The following MCTP1 variants were observed in gnomAD, a reference collection of about 807,000 sequenced individuals.
The protein encoded by MCTP1 is multiple C2 and transmembrane domain containing 1.
MCTP1 carries 69 observed loss-of-function variants against 120.6 expected under a neutral mutation model. That is an observed-to-expected ratio of 0.57 (90% CI 0.47 to 0.70). The LOEUF (loss-of-function observed/expected upper bound fraction) is 0.70, where lower values mean the gene tolerates loss of function less well. Ranked by LOEUF, MCTP1 falls within the 30% of genes least tolerant of loss-of-function variation. The probability of loss-of-function intolerance (pLI) is 0.00; values close to 1 mark genes in which losing one functional copy is unlikely to be tolerated. For synonymous variants in MCTP1, 529 were observed against 493.1 expected (o/e 1.07, Z -0.96); for missense variants, 1,203 against 1,248.8 (o/e 0.96, Z 0.55).
chr5:94,800,999 G>C (rs1480937797), intron 17 of MCTP1, among the ~76,000 whole-genome samples: 2 of 151,886 alleles, frequency 1.3e-5, no homozygotes, highest in Non-Finnish European at 1.5e-5. Context: ...ATAAATAATT[G>C]ATGGTTATGA....
At chr5:94,956,927 T>C (rs923391004) in intron 2 of MCTP1, among the ~76,000 whole-genome samples, 9 of 152,128 alleles carry the variant, frequency 5.9e-5, no homozygotes, top group Non-Finnish European at 1.3e-4. Flanking sequence ...ACCACAAAGA[T>C]ACTCCTCAAG....
chr5:95,092,621 A>G (rs1281467615), intron 1 of MCTP1, among the ~76,000 whole-genome samples: 2 of 152,216 alleles, frequency 1.3e-5, no homozygotes, highest in African/African-American at 4.8e-5. Context: ...ATGTATCAAA[A>G]TATCACACTG....
Position 94,891,690 on chromosome 5 carries a change from A to G in MCTP1, c.1840-2718T>C, listed in dbSNP as rs368839651. On this transcript the variant is annotated intron_variant, in intron 11 of 22. Coordinates refer to ENST00000515393, the MANE Select transcript of MCTP1 (RefSeq NM_024717.7). ...TCCCCAAGTCAGCTGACACTCCATA[A>G]TTTATTGCAAATTTCAACGGTTTAG... Among the ~76,000 whole-genome samples, 44 of 152,116 alleles carry G rather than the reference A, an allele frequency of 2.9e-4. 1 individual carries two copies. In the East Asian group the frequency reaches 4.2e-3, roughly 15 times the overall value.
Position 94,803,019 on chromosome 5 carries a change from C to T in MCTP1, c.2437-3887G>A, listed in dbSNP as rs568360804. Reference sequence around the variant, plus strand: ...CTCTCTCTGTCACATAATCTCTTCACGTCTCCCCCATCTCTCCTTTTAATA... The same window carrying T: ...CTCTCTCTGTCACATAATCTCTTCATGTCTCCCCCATCTCTCCTTTTAATA... On this transcript the variant is annotated intron_variant, in intron 17 of 22. Coordinates refer to ENST00000515393, the MANE Select transcript of MCTP1 (RefSeq NM_024717.7). Among the ~76,000 whole-genome samples the T allele has an allele frequency of 1.4e-3, 208 of 152,274 alleles. 2 individuals are homozygous for T. The highest frequency in any genetic ancestry group is 1.8e-3 in the Non-Finnish European group (122 of 68,016).
chr5:94,708,871 T>C (rs925949038), intron 21 of MCTP1: 20 of 287,466 alleles, frequency 7.0e-5, no homozygotes, highest in Non-Finnish European at 1.1e-4. Flanking sequence ...AATATCTTGG[T>C]TTTTTTTCCC....
chr5:94,737,421 C>T lies in MCTP1; in HGVS notation c.2611-22535G>A, dbSNP rs376825338. ...AGCATAATTTCAAATTCTAAGCACC[C>T]AAATAGTTTGATGTCATTTATTACC... is the stretch of plus-strand genomic sequence containing the variant. On this transcript the variant is annotated intron_variant, in intron 19 of 22. Coordinates refer to ENST00000515393, the MANE Select transcript of MCTP1 (RefSeq NM_024717.7). Among the ~76,000 whole-genome samples the T allele has an allele frequency of 5.9e-5, 9 of 152,226 alleles. No homozygotes were observed. The South Asian group carries it at 1.9e-3, about 32-fold the overall frequency.
chr5:94,871,118 G>C, intron 14 of MCTP1, 145 bp from the exon 15 acceptor site: 1 of 726,682 alleles, frequency 1.4e-6, no homozygotes, highest in Non-Finnish European at 2.4e-6. Context: ...TCATTACCAG[G>C]ATCAAGTCTG....
At position 95,265,047 on chromosome 5, in the gene MCTP1, TC is replaced by T. The variant is rs1758773233; in HGVS notation, c.720+18808del. Among the ~76,000 whole-genome samples the T allele has an allele frequency of 3.9e-5, 6 of 152,240 alleles. 1 individual carries two copies. Among genetic ancestry groups the T allele is most frequent in the Admixed American group, 3.3e-4 (5 of 15,292 alleles). ...CAATGAAAGGCTCATGAACAGCCCG[TC>T]CCTGGTGCCTGGGCTCTACTCCATC... On this transcript the variant is annotated intron_variant, in intron 1 of 22. Transcript: ENST00000515393.
At chr5:95,187,468 C>T (rs1749334864) in intron 1 of MCTP1, among the ~76,000 whole-genome samples, 1 of 152,094 alleles carries the variant, frequency 6.6e-6, no homozygotes, top group Non-Finnish European at 1.5e-5. Flanking sequence ...GGTGTGACCT[C>T]AGCTCATCTT....
intron 10 of MCTP1, among the ~76,000 whole-genome samples, chr5:94,896,157 A>G (rs1803929386): frequency 6.6e-6 from 1 of 152,184 alleles, no homozygotes; most frequent in Admixed American, 6.5e-5. Flanking sequence ...CTTATCAATA[A>G]TACCTGGAAC....
chr5:94,710,856 A>C lies in MCTP1; in HGVS notation c.2792T>G (p.Leu931Arg), dbSNP rs903351924. 6.2e-7 allele frequency: 1 copy of C among 1,612,944 alleles called. No individual in the cohort carries two copies. Among genetic ancestry groups the C allele is most frequent in the African/African-American group, 1.3e-5 (1 of 74,850 alleles). ...AATGTATCTCAGCGGAATGCAGTAC[A>C]GGATGGCTGTGAACACACAGAGGGC... ...IVALCVFTAI[L>R]YCIPLRYIVL... Residue 931 changes from leucine to arginine, a missense_variant, in exon 21 of 23, where the codon CTG becomes CGG. This residue lies in a region of MCTP1 where 740 missense variants were observed against 871.1 expected (regional missense o/e 0.85). Transcript: ENST00000515393.
intron 3 of MCTP1, among the ~76,000 whole-genome samples, chr5:94,944,712 C>T (rs915247052): frequency 6.6e-6 from 1 of 152,122 alleles, no homozygotes; most frequent in Non-Finnish European, 1.5e-5. Flanking sequence ...CTCTCAATTC[C>T]TATTAATCTG....
chr5:94,982,362 A>T (rs1394908025), intron 2 of MCTP1, among the ~76,000 whole-genome samples: 2 of 152,136 alleles, frequency 1.3e-5, no homozygotes, highest in Non-Finnish European at 2.9e-5. Flanking sequence ...TTCAGCACTA[A>T]AATATATTTA....
rs138567998 is a variant in MCTP1 at position 95,091,923 on chromosome 5, G to T, written c.721-74439C>A. On this transcript the variant is annotated intron_variant, in intron 1 of 22. Transcript: ENST00000515393. ...ACAGGCAGTAAGTGGAGGCTGAAAG[G>T]CCCACAAGGAAAGTCTTATGAGAAG... Among the ~76,000 whole-genome samples, 90 of 152,310 alleles carry T rather than the reference G, an allele frequency of 5.9e-4. 2 individuals carry two copies. The highest frequency in any genetic ancestry group is 1.9e-3 in the African/African-American group (78 of 41,568).
intron 2 of MCTP1, among the ~76,000 whole-genome samples, chr5:95,015,999 A>T (rs1199066484): frequency 6.6e-6 from 1 of 152,164 alleles, no homozygotes; most frequent in Non-Finnish European, 1.5e-5. Flanking sequence ...TAGCAAAATA[A>T]TACTTTGTTA....
intron 1 of MCTP1, among the ~76,000 whole-genome samples, chr5:95,068,436 A>T (rs1439687582): frequency 6.6e-6 from 1 of 152,200 alleles, no homozygotes; most frequent in Non-Finnish European, 1.5e-5. Flanking sequence ...AGGAAATGAA[A>T]ACAAAACAAA....
intron 1 of MCTP1, among the ~76,000 whole-genome samples, chr5:95,163,479 G>A (rs1745972316): frequency 6.6e-6 from 1 of 152,086 alleles, no homozygotes; most frequent in African/African-American, 2.4e-5. Context: ...ATCCCTCCCT[G>A]TTTCAAATGA....
chr5:94,912,765 C>A (rs138971922), intron 9 of MCTP1, 41 bp downstream of exon 9: 2 of 1,468,594 alleles, frequency 1.4e-6, no homozygotes, highest in African/African-American at 1.5e-5. Context: ...CCAACCAATG[C>A]CTTCCAAATA....
At chr5:95,272,822 G>A (rs1176929047) in intron 1 of MCTP1, among the ~76,000 whole-genome samples, 1 of 152,052 alleles carries the variant, frequency 6.6e-6, no homozygotes, top group African/African-American at 2.4e-5. Context: ...TGGGCCAAAG[G>A]GAGCAGAGAG....
Sources: allele counts gnomAD v4.1 joint callset (sites outside exome capture counted in the v4.1 genomes callset), GRCh38; gene constraint gnomAD v4.1.1; regional missense constraint gnomAD v4.1.1; transcripts MANE v1.5; gene names NCBI Gene and HGNC (gene_info 2026-07-23, HGNC 2026-07-21).